PIK3AP1: variants seen among roughly 807,000 people sequenced by gnomAD.
PIK3AP1 encodes the protein phosphoinositide-3-kinase adaptor protein 1.
In PIK3AP1, 21 loss-of-function variants were observed where a neutral mutation model predicts 88.1. That is an observed-to-expected ratio of 0.24 (90% CI 0.17 to 0.34). The LOEUF is 0.34. PIK3AP1 is among the 10% of genes least tolerant of loss of function. The pLI, the probability that PIK3AP1 is intolerant of heterozygous loss-of-function variation, is 1.00. For synonymous variants in PIK3AP1, 398 were observed against 400.0 expected (o/e 1.00, Z 0.06); for missense variants, 828 against 1,035.7 (o/e 0.80, Z 2.75).
chr10:96,631,724 A>G (rs957209130), intron 8 of PIK3AP1, among the ~76,000 whole-genome samples: 2 of 152,094 alleles, frequency 1.3e-5, no homozygotes, highest in Non-Finnish European at 2.9e-5. Context: ...TCTCTACTAA[A>G]ATACAAAAAT....
chr10:96,694,554 T>C (rs112461295), intron 2 of PIK3AP1, among the ~76,000 whole-genome samples: 1 of 149,690 alleles, frequency 6.7e-6, no homozygotes, highest in Non-Finnish European at 1.5e-5. Context: ...TTTTTTTTTT[T>C]TCAGGGTCTC....
intron 2 of PIK3AP1, among the ~76,000 whole-genome samples, chr10:96,673,343 A>G (rs989063459): frequency 2.0e-5 from 3 of 152,332 alleles, no homozygotes; most frequent in African/African-American, 7.2e-5. Context: ...GGCGGGGTTT[A>G]TCAGGATCCT....
chr10:96,698,469 G>A lies in PIK3AP1; in HGVS notation c.430+11098C>T, dbSNP rs187608172. Among the ~76,000 whole-genome samples, 540 of 151,814 alleles carry A rather than the reference G, an allele frequency of 3.6e-3. 2 individuals carry two copies. The highest frequency in any genetic ancestry group is 0.01 in the Middle Eastern group (3 of 294). On this transcript the variant is annotated intron_variant, in intron 2 of 16. Coordinates refer to ENST00000339364, the MANE Select transcript of PIK3AP1 (RefSeq NM_152309.3). Reference sequence around the variant, plus strand: ...AGTTTGAGACGAGCCTGGCTAACATGGTGAAACCCCATCTCTACTAAAACT... The same window carrying A: ...AGTTTGAGACGAGCCTGGCTAACATAGTGAAACCCCATCTCTACTAAAACT...
At chr10:96,617,384 T>C (rs995278591) in intron 12 of PIK3AP1, among the ~76,000 whole-genome samples, 2 of 152,178 alleles carry the variant, frequency 1.3e-5, no homozygotes, top group African/African-American at 4.8e-5. Context: ...AGGGAAAATG[T>C]CCAGACAATC....
intron 8 of PIK3AP1, 103 bp from the exon 9 acceptor site, chr10:96,628,596 C>G: frequency 2.1e-6 from 2 of 931,568 alleles, no homozygotes; most frequent in Non-Finnish European, 3.5e-6. Context: ...TTAAGAGATT[C>G]AAGCATTCAT....
At position 96,720,037 on chromosome 10, in the gene PIK3AP1, T is replaced by A. The variant is rs1333628274; in HGVS notation, c.13+345A>T. Among the ~76,000 whole-genome samples the A allele has an allele frequency of 6.6e-6, 1 of 152,082 alleles. No individual in the cohort carries two copies. Among genetic ancestry groups the A allele is most frequent in the Non-Finnish European group, 1.5e-5 (1 of 68,002 alleles). ...TGTAGACCATCCACATCGCCCGCCC[T>A]CCGCTTCTCTCAACTCGCCTCTCGC... On this transcript the variant is annotated intron_variant, in intron 1 of 16. Coordinates refer to ENST00000339364, the MANE Select transcript of PIK3AP1 (RefSeq NM_152309.3). This position sits in a 1 kb window ranked among gnomAD's most constrained non-coding sequence, Gnocchi z 4.6.
Position 96,629,625 on chromosome 10 carries a change from C to T in PIK3AP1, c.1376-1132G>A, listed in dbSNP as rs139306542. 5.5e-3 allele frequency among the ~76,000 whole-genome samples: 822 copies of T among 148,650 alleles called. 11 individuals carry two copies. Among genetic ancestry groups the T allele is most frequent in the African/African-American group, 0.02 (790 of 40,092 alleles). On this transcript the variant is annotated intron_variant, in intron 8 of 16. Coordinates refer to ENST00000339364, the MANE Select transcript of PIK3AP1 (RefSeq NM_152309.3). The stretch of plus-strand genomic sequence containing the variant: ...AGGCATGGTGGCTCACAACTTTAAT[C>T]CCAACACTTTGGGAGGCCAAGGCAG...
Position 96,651,576 on chromosome 10 carries a change from T to C in PIK3AP1, c.788A>G (p.Tyr263Cys). Residue 263 changes from tyrosine to cysteine, a missense_variant, in exon 5 of 17, where the codon TAT becomes TGT. Physicochemically the swap from Tyr to Cys is radical, Grantham distance 194. Coordinates refer to ENST00000339364, the MANE Select transcript of PIK3AP1 (RefSeq NM_152309.3). ...ATTCCCAATTTCTTCCATGTCAGTA[T>C]AATAGCTGATAACGGTTTCACACAC... ...LVVCETVISY[Y>C]TDMEEIGNLL... is the part of the protein sequence containing the mutation. 6.2e-7 allele frequency: 1 copy of C among 1,614,194 alleles called. No individual in the cohort carries two copies. Among genetic ancestry groups the C allele is most frequent in the Non-Finnish European group, 8.5e-7 (1 of 1,180,010 alleles).
intron 2 of PIK3AP1, among the ~76,000 whole-genome samples, chr10:96,685,996 A>G (rs61856796): frequency 0.012 from 1,767 of 152,290 alleles, 28 homozygotes; most frequent in Non-Finnish European, 0.015. Flanking sequence ...AGTCCTCACT[A>G]AATTCAAGGG....
intron 1 of PIK3AP1, among the ~76,000 whole-genome samples, chr10:96,717,872 A>C (rs772451130): frequency 6.6e-6 from 1 of 152,220 alleles, no homozygotes; most frequent in East Asian, 1.9e-4. Context: ...TTTCAAAGAC[A>C]GGGAGCCTAA....
At chr10:96,609,135 GTTCA>G (rs1283537267) in intron 14 of PIK3AP1, among the ~76,000 whole-genome samples, 1 of 152,192 alleles carries the variant, frequency 6.6e-6, no homozygotes, top group African/African-American at 2.4e-5. Context: ...TCAAATTTGA[GTTCA>G]TTATTTTCTT....
In PIK3AP1 at chr10:96,626,143, C is replaced by T. The variant is rs147486087; in HGVS notation, c.1669+565G>A. ...TGCTATCAGTATCTAACTAATGTCCCAGGGATGATTAAGAAGTCAAAACCT... is the reference window on the plus strand; with the variant it reads ...TGCTATCAGTATCTAACTAATGTCCTAGGGATGATTAAGAAGTCAAAACCT... On this transcript the variant is annotated intron_variant, in intron 10 of 16. Transcript: ENST00000339364. Among the ~76,000 whole-genome samples the T allele has an allele frequency of 5.3e-3, 809 of 152,188 alleles. 18 individuals carry two copies. The highest frequency in any genetic ancestry group is 4.7e-3 in the Non-Finnish European group (317 of 68,004).
Position 96,651,555 on chromosome 10 carries a change from C to T in PIK3AP1, c.809G>A (p.Gly270Glu). 1 of 1,614,190 alleles carries T rather than the reference C, an allele frequency of 6.2e-7. No homozygotes were observed. The highest frequency in any genetic ancestry group is 1.1e-5 in the South Asian group (1 of 91,082). ...ISYYTDMEEI[G>E]NLLSNAANPV... is the part of the protein sequence containing the mutation. ...ATTCGCGGCATTGGACAATAAATTC[C>T]CAATTTCTTCCATGTCAGTATAATA... Residue 270 changes from glycine to glutamate, a missense_variant, in exon 5 of 17, where the codon GGG becomes GAG. Gly to Glu is a moderately conservative substitution (Grantham distance 98, BLOSUM62 -2). Coordinates refer to ENST00000339364, the MANE Select transcript of PIK3AP1 (RefSeq NM_152309.3).
intron 7 of PIK3AP1, among the ~76,000 whole-genome samples, chr10:96,648,256 G>T (rs983039051): frequency 5.9e-5 from 9 of 152,126 alleles, no homozygotes; most frequent in Admixed American, 5.9e-4. Flanking sequence ...GTGAGGAGGT[G>T]GGGGGAGATG....
In PIK3AP1 at chr10:96,652,769, G is replaced by A. The variant is rs750811451; in HGVS notation, c.641C>T (p.Pro214Leu). The change falls in exon 4 of 17, where the codon CCT becomes CTT. Residue 214 changes from proline (P) to leucine (L), a missense_variant. Pro to Leu is a moderately conservative substitution (Grantham distance 98). Around this residue, in one of 3 missense-constraint regions of PIK3AP1, gnomAD observed 610 missense variants for 760.1 expected, o/e 0.80. Coordinates refer to ENST00000339364, the MANE Select transcript of PIK3AP1 (RefSeq NM_152309.3). ...CATCCTTACAGAGGGAGAATCCTCA[G>A]GAGAAAACTCTGCTTCTGTCGCCAC... ...DRVATEAEFSPEDSPSVRMEA... is the reference protein window; with the variant it reads ...DRVATEAEFSLEDSPSVRMEA... 5 of 1,614,036 alleles carry A rather than the reference G, an allele frequency of 3.1e-6. No homozygotes were observed. In the East Asian group the frequency reaches 8.9e-5, roughly 29 times the overall value.
chr10:96,677,812 G>A (rs1405265800), intron 2 of PIK3AP1, among the ~76,000 whole-genome samples: 4 of 152,172 alleles, frequency 2.6e-5, no homozygotes, highest in Non-Finnish European at 5.9e-5. Context: ...TCAACATTGG[G>A]ATCAGGATCA....
intron 6 of PIK3AP1, among the ~76,000 whole-genome samples, chr10:96,649,458 G>A (rs1190301803): frequency 2.0e-5 from 3 of 152,216 alleles, no homozygotes; most frequent in Non-Finnish European, 4.4e-5. Flanking sequence ...TTTGTTTAAA[G>A]GCTTAACTAG....
intron 11 of PIK3AP1, among the ~76,000 whole-genome samples, chr10:96,622,424 G>A (rs1038035626): frequency 6.6e-6 from 1 of 152,144 alleles, no homozygotes; most frequent in Non-Finnish European, 1.5e-5. Flanking sequence ...AATTTCTCCA[G>A]CAGGACTCCA....
intron 7 of PIK3AP1, 105 bp downstream of exon 7, chr10:96,648,554 T>C (rs908404846): frequency 8.1e-7 from 1 of 1,234,270 alleles, no homozygotes; most frequent in Admixed American, 3.2e-5. Flanking sequence ...AAGAGGTACA[T>C]GAGGACATGC....
Sources: gnomAD v4.1 joint callset for allele counts (sites outside exome capture counted in the v4.1 genomes callset) on GRCh38, gnomAD v4.1.1 for gene constraint, gnomAD v4.1.1 regional missense constraint, Gnocchi (gnomAD v3.1) non-coding constraint, MANE v1.5 for transcripts, NCBI Gene and HGNC (gene_info 2026-07-23, HGNC 2026-07-21) for gene names.